Variants in NUCKS1 observed in about 807,000 individuals in gnomAD.
The protein encoded by NUCKS1 is nuclear casein kinase and cyclin dependent kinase substrate 1.
NUCKS1 carries 2 observed loss-of-function variants against 33.0 expected under a neutral mutation model. The observed-to-expected ratio is 0.06, with a 90% CI of 0.02 to 0.19. The LOEUF (loss-of-function observed/expected upper bound fraction) is 0.19, where lower values mean the gene tolerates loss of function less well. NUCKS1 is among the 10% of genes least tolerant of loss of function. The probability of loss-of-function intolerance (pLI) is 1.00; values close to 1 mark genes in which losing one functional copy is unlikely to be tolerated. For missense variants in NUCKS1, 201 were observed against 293.6 expected, an observed-to-expected ratio of 0.68 and a Z score of 2.31; for synonymous variants, 106 against 102.8, an observed-to-expected ratio of 1.03 and a Z score of -0.19.
rs1231418121 is a variant in NUCKS1, at chr1:205,717,469, T to C, written c.*811A>G. ...ACATATATATTTAGAGAAGGAAATATGAAATCAAGAGTTTTGGCAGCCCCT... is the reference window on the plus strand; with the variant it reads ...ACATATATATTTAGAGAAGGAAATACGAAATCAAGAGTTTTGGCAGCCCCT... On this transcript the variant is annotated 3_prime_UTR_variant, in exon 7 of 7. Transcript: ENST00000367142. The C allele has an allele frequency of 1.0e-6, 1 of 983,536 alleles. No homozygotes were observed. The highest frequency in any genetic ancestry group is 1.2e-6 in the Non-Finnish European group (1 of 828,890). The allele number at this position is 983,536 out of a possible 1,614,324, so 60.9% of individuals were successfully genotyped here.
intron 3 of NUCKS1, among the ~76,000 whole-genome samples, chr1:205,725,924 G>A (rs535906733): frequency 1.9e-4 from 29 of 152,244 alleles, no homozygotes; most frequent in African/African-American, 5.3e-4. Context: ...TGTTTGGCCC[G>A]GCGCGGTGGC....
At chr1:205,733,044 A>G (rs1243772135) in intron 1 of NUCKS1, among the ~76,000 whole-genome samples, 1 of 152,142 alleles carries the variant, frequency 6.6e-6, no homozygotes, top group East Asian at 1.9e-4. Flanking sequence ...AGGGGAAGAA[A>G]GGTATCTAGA....
At chr1:205,747,781 A>G (rs1320852756) in intron 1 of NUCKS1, among the ~76,000 whole-genome samples, 1 of 152,248 alleles carries the variant, frequency 6.6e-6, no homozygotes, top group Non-Finnish European at 1.5e-5. Context: ...AAGGGAATAT[A>G]GATTCTTCAA....
rs1008551013 is a variant in NUCKS1, at chr1:205,713,506, A to G, written c.*4774T>C. 1 of 152,224 alleles carries G rather than the reference A, an allele frequency of 6.6e-6. No individual in the cohort carries two copies. The highest frequency in any genetic ancestry group is 1.5e-5 in the Non-Finnish European group (1 of 68,030). The allele number at this position is 152,224 out of a possible 1,614,324, so 9.4% of individuals were successfully genotyped here. ...TATGCAGATACATACAGAGACTGGGATATGTAAAAATTAAGTATCACAAAA... is the reference window on the plus strand; with the variant it reads ...TATGCAGATACATACAGAGACTGGGGTATGTAAAAATTAAGTATCACAAAA... On this transcript the variant is annotated 3_prime_UTR_variant, in exon 7 of 7. Coordinates refer to ENST00000367142, the MANE Select transcript of NUCKS1 (RefSeq NM_022731.5).
chr1:205,732,311 C>T (rs1196896572), intron 1 of NUCKS1, among the ~76,000 whole-genome samples: 1 of 152,110 alleles, frequency 6.6e-6, no homozygotes, highest in Non-Finnish European at 1.5e-5. Context: ...ATTCCATGTA[C>T]ATGAGGGACC....
intron 3 of NUCKS1, among the ~76,000 whole-genome samples, chr1:205,726,619 G>A (rs1345083173): frequency 6.6e-6 from 1 of 152,184 alleles, no homozygotes; most frequent in African/African-American, 2.4e-5. Context: ...AGTATTATTT[G>A]GAAGTGGTAT....
intron 1 of NUCKS1, among the ~76,000 whole-genome samples, chr1:205,740,662 G>C (rs991018130): frequency 1.3e-5 from 2 of 151,752 alleles, no homozygotes; most frequent in African/African-American, 4.8e-5. Flanking sequence ...CAAGATATGA[G>C]AAAGCAAAAA....
intron 1 of NUCKS1, among the ~76,000 whole-genome samples, chr1:205,734,434 A>G (rs1334224989): frequency 6.6e-6 from 1 of 152,202 alleles, no homozygotes; most frequent in Admixed American, 6.5e-5. Flanking sequence ...CCATAAAATC[A>G]GTGTAAAGCA....
In NUCKS1 at chr1:205,727,705, T is replaced by G. The variant is rs755395501; in HGVS notation, c.168A>C (p.Glu56Asp). The change falls in exon 3 of 7, where the codon GAA becomes GAC. Residue 56 changes from glutamate (E) to aspartate (D), a missense_variant. Coordinates refer to ENST00000367142, the MANE Select transcript of NUCKS1 (RefSeq NM_022731.5). Reference protein sequence around the residue: ...NKRRSGKNSQEDSEDSEDKDV... With the variant: ...NKRRSGKNSQDDSEDSEDKDV... ...AGAAAAACAATGCCTCTTACCTATC[T>G]TCCTGTGAATTCTTTCCAGATCGCC... The G allele has an allele frequency of 4.4e-6, 7 of 1,608,858 alleles. No homozygotes were observed. The highest frequency in any genetic ancestry group is 6.0e-6 in the Non-Finnish European group (7 of 1,175,358).
chr1:205,749,199 T>TC (rs1654409541), intron 1 of NUCKS1, among the ~76,000 whole-genome samples: 2 of 152,196 alleles, frequency 1.3e-5, no homozygotes, highest in Non-Finnish European at 2.9e-5. Context: ...TACGGACATT[T>TC]CCCCGAGGAA....
intron 3 of NUCKS1, among the ~76,000 whole-genome samples, chr1:205,725,211 G>T (rs1399929422): frequency 1.3e-5 from 2 of 152,134 alleles, no homozygotes; most frequent in East Asian, 3.8e-4. Flanking sequence ...TTAGTTAGTT[G>T]TATGATCTTA....
At position 205,750,016 on chromosome 1, in the gene NUCKS1, G is replaced by A; in HGVS notation, c.-43C>T. ...GACCGAGTCGAGAAGCCAAAGACCA[G>A]GACCCCCCCCACCCCGCGCGCTCGG... On this transcript the variant is annotated 5_prime_UTR_variant, in exon 1 of 7. Coordinates refer to ENST00000367142, the MANE Select transcript of NUCKS1 (RefSeq NM_022731.5). The A allele has an allele frequency of 1.3e-6, 2 of 1,562,006 alleles. No homozygotes were observed. The highest frequency in any genetic ancestry group is 1.7e-6 in the Non-Finnish European group (2 of 1,151,610).
intron 1 of NUCKS1, among the ~76,000 whole-genome samples, chr1:205,749,684 C>G (rs1197468611): frequency 6.6e-6 from 1 of 152,016 alleles, no homozygotes; most frequent in African/African-American, 2.4e-5. Context: ...AGGGACACCC[C>G]GCCCGCTCTA....
At chr1:205,732,725 G>A (rs761080745) in intron 1 of NUCKS1, among the ~76,000 whole-genome samples, 14 of 134,274 alleles carry the variant, frequency 1.0e-4, no homozygotes, top group Non-Finnish European at 1.4e-4. Flanking sequence ...AGGTTGCAGT[G>A]AGCAGGGATC....
At chr1:205,731,765 G>A (rs1169964147) in intron 1 of NUCKS1, among the ~76,000 whole-genome samples, 1 of 151,948 alleles carries the variant, frequency 6.6e-6, no homozygotes, top group Non-Finnish European at 1.5e-5. Context: ...GGTGGCGGGC[G>A]CCTGTAGTCC....
At chr1:205,749,310 G>C (rs554159286) in intron 1 of NUCKS1, among the ~76,000 whole-genome samples, 1 of 152,232 alleles carries the variant, frequency 6.6e-6, no homozygotes, top group Non-Finnish European at 1.5e-5. Context: ...CCAGGATCCA[G>C]TCCCGAACTC....
rs1217381387 is a variant in NUCKS1 at position 205,718,314 on chromosome 1, C to T, written c.698G>A (p.Gly233Glu). 3 of 1,612,844 alleles carry T rather than the reference C, an allele frequency of 1.9e-6. No individual in the cohort carries two copies. The highest frequency in any genetic ancestry group is 2.5e-6 in the Non-Finnish European group (3 of 1,179,832). ...CCCAGAAGGGGCTTCATCTTCAGAC[C>T]CTTCATCCCCAGATTTCTCGGGTGG... ...SPPPEKSGDE[G>E]SEDEAPSGED The change falls in exon 7 of 7, where the codon GGG becomes GAG. Residue 233 changes from glycine (G) to glutamate (E), a missense_variant. Physicochemically the swap from Gly to Glu is moderately conservative, Grantham distance 98 (BLOSUM62 -2). Coordinates refer to ENST00000367142, the MANE Select transcript of NUCKS1 (RefSeq NM_022731.5).
chr1:205,714,227 T>G lies in NUCKS1; in HGVS notation c.*4053A>C, dbSNP rs3805. 20,095 of 152,034 alleles carry G rather than the reference T, an allele frequency of 0.13. 2,149 individuals carry two copies. Among genetic ancestry groups the G allele is most frequent in the East Asian group, 0.53 (2,768 of 5,184 alleles). 9.4% of individuals were successfully genotyped at this position (152,034 alleles called of 1,614,324 possible). A position where few individuals can be genotyped will look rare whatever the true frequency, so the allele number is the denominator to read the frequency against. On this transcript the variant is annotated 3_prime_UTR_variant, in exon 7 of 7. Transcript: ENST00000367142. ...TTTTTATACATGTTATTTTAGGGCATAAGCTGAGTACTATACCCCCACACC... is the reference window on the plus strand; with the variant it reads ...TTTTTATACATGTTATTTTAGGGCAGAAGCTGAGTACTATACCCCCACACC...
chr1:205,750,015 A>AGGGGGGGGGGGGGGGGGGGGGGGGG lies in NUCKS1; in HGVS notation c.-43_-42insCCCCCCCCCCCCCCCCCCCCCCCCC. The AGGGGGGGGGGGGGGGGGGGGGGGGG allele has an allele frequency of 4.6e-6, 7 of 1,506,276 alleles. No individual in the cohort carries two copies. The highest frequency in any genetic ancestry group is 5.5e-5 in the East Asian group (2 of 36,318). 93.3% of individuals were successfully genotyped at this position (1,506,276 alleles called of 1,614,324 possible). A position where few individuals can be genotyped will look rare whatever the true frequency, so the allele number is the denominator to read the frequency against. ...GGACCGAGTCGAGAAGCCAAAGACC[A>AGGGGGGGGGGGGGGGGGGGGGGGGG]GGACCCCCCCCACCCCGCGCGCTCG... On this transcript the variant is annotated 5_prime_UTR_variant, in exon 1 of 7. Transcript: ENST00000367142.
Sources: gnomAD v4.1 joint callset for allele counts (sites outside exome capture counted in the v4.1 genomes callset) on GRCh38, gnomAD v4.1.1 for gene constraint, MANE v1.5 for transcripts, NCBI Gene and HGNC (gene_info 2026-07-23, HGNC 2026-07-21) for gene names.